DSG4: variants seen among roughly 807,000 people sequenced by gnomAD.
DSG4 encodes desmoglein 4.
A neutral mutation model predicts 93.1 loss-of-function variants in DSG4; 87 were observed. That is an observed-to-expected ratio of 0.93 (90% CI 0.79 to 1.12). The LOEUF (loss-of-function observed/expected upper bound fraction) is 1.12, where lower values mean the gene tolerates loss of function less well. Ranked by LOEUF, DSG4 falls within the 50% of genes most tolerant of loss-of-function variation. The pLI, the probability that DSG4 is intolerant of heterozygous loss-of-function variation, is 0.00. For synonymous variants in DSG4, 432 were observed against 452.9 expected (o/e 0.95, Z 0.59); for missense variants, 1,373 against 1,285.7 (o/e 1.07, Z -1.04).
rs201170903 is a variant in DSG4, at chr18:31,406,241, G to A, written c.1801G>A (p.Ala601Thr). Residue 601 changes from alanine (A) to threonine (T), a missense_variant, in exon 12 of 16, where the codon GCG becomes ACG. Ala to Thr is a moderately conservative substitution (Grantham distance 58). Transcript: ENST00000308128. ...DNHMCLDSGA[A>T]GIYTEDITGD... The stretch of plus-strand genomic sequence containing the variant: ...CCACATGTGCCTGGACTCTGGTGCC[G>A]CGGGCATCTACACAGAGGACATAAC... 150 of 1,613,246 alleles carry A rather than the reference G, an allele frequency of 9.3e-5. No homozygotes were observed. Among genetic ancestry groups the A allele is most frequent in the Middle Eastern group, 1.6e-4 (1 of 6,082 alleles).
chr18:31,392,086 A>G (rs1446075020), intron 7 of DSG4, 69 bp from the exon 8 acceptor site: 4 of 1,435,188 alleles, frequency 2.8e-6, no homozygotes, highest in Non-Finnish European at 3.9e-6. Flanking sequence ...TTAAATAATA[A>G]TAATGTGTTT....
Position 31,413,810 on chromosome 18 carries a change from C to A in DSG4, c.*215C>A. The A allele has an allele frequency of 5.2e-6, 3 of 581,932 alleles. No individual in the cohort carries two copies. The highest frequency in any genetic ancestry group is 8.7e-6 in the Non-Finnish European group (3 of 344,014). The allele number at this position is 581,932 out of a possible 1,614,324, so 36.0% of individuals were successfully genotyped here. On this transcript the variant is annotated 3_prime_UTR_variant, in exon 16 of 16. Coordinates refer to ENST00000308128, the MANE Select transcript of DSG4 (RefSeq NM_177986.5). ...AAATTCTTTCTGATTTTAAATAATGCGTCAAAAAATGTGCAGAAAATGTAT... is the reference window on the plus strand; with the variant it reads ...AAATTCTTTCTGATTTTAAATAATGAGTCAAAAAATGTGCAGAAAATGTAT...
In DSG4 at chr18:31,388,916, A is replaced by G; in HGVS notation, c.415A>G (p.Arg139Gly). 1 of 1,613,700 alleles carries G rather than the reference A, an allele frequency of 6.2e-7. No homozygotes were observed. Among genetic ancestry groups the G allele is most frequent in the Non-Finnish European group, 8.5e-7 (1 of 1,179,690 alleles). Reference sequence around the variant, plus strand: ...GAATTCACGGGGTGAAGATTTAGAAAGGCCTCTTGAGCTTAGAGTCAAAGT... The same window carrying G: ...GAATTCACGGGGTGAAGATTTAGAAGGGCCTCTTGAGCTTAGAGTCAAAGT... Reference protein sequence around the residue: ...ALNSRGEDLERPLELRVKVMD... With the variant: ...ALNSRGEDLEGPLELRVKVMD... Residue 139 changes from arginine to glycine, a missense_variant, in exon 5 of 16, where the codon AGG becomes GGG. Transcript: ENST00000308128.
intron 12 of DSG4, among the ~76,000 whole-genome samples, chr18:31,407,680 A>G (rs1205900351): frequency 2.0e-5 from 3 of 152,208 alleles, no homozygotes; most frequent in African/African-American, 4.8e-5. Context: ...ACTTTTGGTG[A>G]GGATTTCTTT....
intron 1 of DSG4, among the ~76,000 whole-genome samples, chr18:31,381,964 C>T (rs1598733914): frequency 6.6e-6 from 1 of 152,094 alleles, no homozygotes; most frequent in African/African-American, 2.4e-5. Context: ...CCACCACGCC[C>T]AGCCAAATAG....
chr18:31,387,126 A>G lies in DSG4; in HGVS notation c.216+307A>G, dbSNP rs543301444. ...ATAGGAAACGTATTCACATAGTGAC[A>G]GTCTGAAGCCTGGCCCTCCAGAAAG... On this transcript the variant is annotated intron_variant, in intron 3 of 15. Transcript: ENST00000308128. Among the ~76,000 whole-genome samples the G allele has an allele frequency of 2.0e-5, 3 of 152,300 alleles. No homozygotes were observed. The South Asian group carries it at 6.2e-4, about 32-fold the overall frequency.
chr18:31,411,413 A>T lies in DSG4; in HGVS notation c.2320A>T (p.Ile774Phe). The T allele has an allele frequency of 7.4e-6, 12 of 1,611,486 alleles. No homozygotes were observed. Among genetic ancestry groups the T allele is most frequent in the Non-Finnish European group, 1.0e-5 (12 of 1,179,926 alleles). ...GTLRDYADAD[I>F]NMAFLDSYFS... ...CCTGCGGGACTACGCTGACGCAGACATCAACATGGCTTTCTTGGACAGCTA... is the reference window on the plus strand; with the variant it reads ...CCTGCGGGACTACGCTGACGCAGACTTCAACATGGCTTTCTTGGACAGCTA... Residue 774 changes from isoleucine to phenylalanine, a missense_variant, in exon 15 of 16, where the codon ATC becomes TTC. By Grantham distance (21) the Ile-to-Phe change is conservative. Coordinates refer to ENST00000308128, the MANE Select transcript of DSG4 (RefSeq NM_177986.5).
chr18:31,394,295 C>T (rs1000233696), intron 8 of DSG4, among the ~76,000 whole-genome samples: 2 of 152,074 alleles, frequency 1.3e-5, no homozygotes, highest in Admixed American at 1.3e-4. Flanking sequence ...ACAATAACAC[C>T]GGCCTGGCAA....
chr18:31,383,715 C>G (rs933526468), intron 1 of DSG4, among the ~76,000 whole-genome samples: 1 of 152,116 alleles, frequency 6.6e-6, no homozygotes, highest in Non-Finnish European at 1.5e-5. Flanking sequence ...TCCCAAATCC[C>G]CCTTAAAAAG....
chr18:31,399,338 C>T lies in DSG4; in HGVS notation c.1072C>T (p.His358Tyr), dbSNP rs1408952331. 1 of 1,614,000 alleles carries T rather than the reference C, an allele frequency of 6.2e-7. No homozygotes were observed. Residue 358 changes from histidine to tyrosine, a missense_variant, in exon 9 of 16, where the codon CAC becomes TAC. Transcript: ENST00000308128. Reference sequence around the variant, plus strand: ...CGGAGTTAAAAACCAAGCTGATTTTCACTACTCCGTTGCTTCTCAATTCCA... The same window carrying T: ...CGGAGTTAAAAACCAAGCTGATTTTTACTACTCCGTTGCTTCTCAATTCCA... ...SIGVKNQADF[H>Y]YSVASQFQMH...
At chr18:31,406,017 C>T (rs1202408606) in intron 11 of DSG4, 60 bp from the exon 12 acceptor site, 24 of 1,600,298 alleles carry the variant, frequency 1.5e-5, no homozygotes, top group Non-Finnish European at 2.0e-5. Flanking sequence ...GAGAGTTAAC[C>T]ACCCCCCTAG....
chr18:31,413,453 A>G lies in DSG4; in HGVS notation c.2981A>G (p.Asn994Ser). 6 of 1,612,270 alleles carry G rather than the reference A, an allele frequency of 3.7e-6. No individual in the cohort carries two copies. Among genetic ancestry groups the G allele is most frequent in the Non-Finnish European group, 5.1e-6 (6 of 1,178,502 alleles). Residue 994 changes from asparagine (N) to serine (S), a missense_variant, in exon 16 of 16, where the codon AAT becomes AGT. Physicochemically the swap from Asn to Ser is conservative, Grantham distance 46. Coordinates refer to ENST00000308128, the MANE Select transcript of DSG4 (RefSeq NM_177986.5). ...EGCMGPVMSG[N>S]ILVGPEIQVM... is the part of the protein sequence containing the mutation. The stretch of plus-strand genomic sequence containing the variant: ...TGTATGGGACCTGTGATGAGCGGCA[A>G]TATTTTAGTAGGGCCAGAAATTCAA...
chr18:31,399,220 T>G, intron 8 of DSG4, 52 bp from the exon 9 acceptor site: 3 of 1,609,444 alleles, frequency 1.9e-6, no homozygotes, highest in Non-Finnish European at 2.5e-6. Context: ...TCTTACTTTA[T>G]CGAAAGAGAG....
intron 4 of DSG4, 136 bp downstream of exon 4, chr18:31,388,658 A>G: frequency 1.5e-6 from 2 of 1,331,596 alleles, no homozygotes; most frequent in Non-Finnish European, 2.1e-6. Context: ...GAAGGAATGG[A>G]AAGAGTGTGA....
At chr18:31,388,274 T>G (rs1433638444) in intron 3 of DSG4, 93 bp from the exon 4 acceptor site, 24 of 1,438,248 alleles carry the variant, frequency 1.7e-5, no homozygotes, top group Non-Finnish European at 1.9e-5. Flanking sequence ...CAAAGCCCAT[T>G]TGGTAAAGAA....
intron 14 of DSG4, among the ~76,000 whole-genome samples, chr18:31,410,396 T>C (rs1050400567): frequency 1.3e-5 from 2 of 151,606 alleles, no homozygotes; most frequent in Non-Finnish European, 1.5e-5. Context: ...ATAACATACA[T>C]GTGTATGTGT....
chr18:31,411,559 C>G, intron 15 of DSG4, 111 bp downstream of exon 15: 1 of 1,271,144 alleles, frequency 7.9e-7, no homozygotes, highest in Non-Finnish European at 1.1e-6. Flanking sequence ...ATTCTCAACC[C>G]TATCCCAAAC....
intron 8 of DSG4, among the ~76,000 whole-genome samples, chr18:31,398,026 CAAAAAAA>C (rs58572396): frequency 1.2e-5 from 1 of 80,810 alleles, no homozygotes; most frequent in South Asian, 4.4e-4. Flanking sequence ...GACCCTGTCT[CAAAAAAA>C]AAAAAAAAAA....
At chr18:31,400,205 G>A (rs1044203483) in intron 9 of DSG4, among the ~76,000 whole-genome samples, 2 of 152,056 alleles carry the variant, frequency 1.3e-5, no homozygotes, top group Admixed American at 6.6e-5. Context: ...TAGAGTAAAC[G>A]AAGTCTACTG....
Sources: gnomAD v4.1 joint callset for allele counts (sites outside exome capture counted in the v4.1 genomes callset) on GRCh38, gnomAD v4.1.1 for gene constraint, MANE v1.5 for transcripts, NCBI Gene and HGNC (gene_info 2026-07-23, HGNC 2026-07-21) for gene names.